ETV6: variants seen among roughly 807,000 people sequenced by gnomAD.
ETV6 encodes transcription factor ETV6.
In ETV6, 16 loss-of-function variants were observed where a neutral mutation model predicts 51.1. The observed-to-expected ratio is 0.31, with a 90% CI of 0.21 to 0.48. The LOEUF (loss-of-function observed/expected upper bound fraction) is 0.48. Among genes scored for constraint, ETV6 ranks in the 20% least tolerant of loss-of-function variants. The probability of loss-of-function intolerance (pLI) is 0.99; values close to 1 mark genes in which losing one functional copy is unlikely to be tolerated. For synonymous variants in ETV6, 240 were observed against 224.1 expected, an observed-to-expected ratio of 1.07 and a Z score of -0.64; for missense variants, 458 against 594.8, an observed-to-expected ratio of 0.77 and a Z score of 2.39.
intron 2 of ETV6, among the ~76,000 whole-genome samples, chr12:11,783,013 G>C (rs991209947): frequency 6.6e-6 from 1 of 152,116 alleles, no homozygotes; most frequent in African/African-American, 2.4e-5. Flanking sequence ...AGCAGCTGTA[G>C]CAATGATCTA....
intron 2 of ETV6, among the ~76,000 whole-genome samples, chr12:11,788,489 G>A (rs922231250): frequency 6.6e-6 from 1 of 152,188 alleles, no homozygotes; most frequent in Non-Finnish European, 1.5e-5. Flanking sequence ...GGCGCACTCA[G>A]TTCTTAGTCC....
At chr12:11,669,560 CTCTA>C in intron 1 of ETV6, among the ~76,000 whole-genome samples, 1 of 152,126 alleles carries the variant, frequency 6.6e-6, no homozygotes, top group Non-Finnish European at 1.5e-5. Context: ...GCCTTTACAT[CTCTA>C]TCTCCTGTGG....
At chr12:11,789,222 C>T (rs753244757) in intron 2 of ETV6, among the ~76,000 whole-genome samples, 23 of 151,928 alleles carry the variant, frequency 1.5e-4, no homozygotes, top group Non-Finnish European at 2.9e-4. Context: ...TTAGTAGAGA[C>T]GGGTTTTCAC....
chr12:11,889,313 A>G (rs1317165255), intron 7 of ETV6, among the ~76,000 whole-genome samples: 1 of 152,222 alleles, frequency 6.6e-6, no homozygotes, highest in Non-Finnish European at 1.5e-5. Flanking sequence ...GGCTTCCAAT[A>G]AAAGATTTTC....
At chr12:11,708,554 A>C (rs1565493964) in intron 1 of ETV6, among the ~76,000 whole-genome samples, 1 of 152,166 alleles carries the variant, frequency 6.6e-6, no homozygotes, top group African/African-American at 2.4e-5. Flanking sequence ...TCTTGTGTAC[A>C]TTCCCTTCTA....
At chr12:11,708,534 C>A (rs1040731561) in intron 1 of ETV6, among the ~76,000 whole-genome samples, 2 of 152,200 alleles carry the variant, frequency 1.3e-5, no homozygotes, top group African/African-American at 2.4e-5. Context: ...ACGGCCCAGA[C>A]TCCCCCCTGT....
intron 1 of ETV6, among the ~76,000 whole-genome samples, chr12:11,714,088 G>A (rs1865225517): frequency 1.3e-5 from 2 of 152,182 alleles, no homozygotes; most frequent in African/African-American, 2.4e-5. Context: ...GAATGCAGGG[G>A]CGTCATTTTG....
At chr12:11,832,859 G>A (rs769317104) in intron 2 of ETV6, among the ~76,000 whole-genome samples, 33 of 152,172 alleles carry the variant, frequency 2.2e-4, no homozygotes, top group Non-Finnish European at 4.1e-4. Flanking sequence ...ATCAGTATCC[G>A]TCCAAAAGGA....
chr12:11,652,479 A>G (rs137968715), intron 1 of ETV6, among the ~76,000 whole-genome samples: 1 of 152,330 alleles, frequency 6.6e-6, no homozygotes, highest in Non-Finnish European at 1.5e-5. Context: ...CCAGTAAACA[A>G]TATGCTTTTC....
chr12:11,673,009 G>A (rs1273447817), intron 1 of ETV6, among the ~76,000 whole-genome samples: 2 of 152,184 alleles, frequency 1.3e-5, no homozygotes, highest in African/African-American at 2.4e-5. Flanking sequence ...ACTGACTGGA[G>A]GACTTTCCAG....
chr12:11,703,139 G>T (rs1253505794), intron 1 of ETV6, among the ~76,000 whole-genome samples: 1 of 152,024 alleles, frequency 6.6e-6, no homozygotes, highest in Non-Finnish European at 1.5e-5. Flanking sequence ...TTATAGGAGG[G>T]TCCCAAACAT....
intron 1 of ETV6, among the ~76,000 whole-genome samples, chr12:11,713,405 G>T (rs974273027): frequency 6.6e-6 from 1 of 152,152 alleles, no homozygotes; most frequent in Non-Finnish European, 1.5e-5. Flanking sequence ...GTTTTACTAT[G>T]ATTGTAAACC....
intron 7 of ETV6, among the ~76,000 whole-genome samples, chr12:11,887,880 C>G (rs537496955): frequency 1.2e-4 from 18 of 152,178 alleles, no homozygotes; most frequent in African/African-American, 4.3e-4. Context: ...GTATCCCAGT[C>G]ATTGTGCTAG....
At chr12:11,858,550 T>G (rs1327475866) in intron 4 of ETV6, among the ~76,000 whole-genome samples, 1 of 152,194 alleles carries the variant, frequency 6.6e-6, no homozygotes, top group East Asian at 1.9e-4. Context: ...CCCATGGGAC[T>G]GGATATGCAG....
intron 2 of ETV6, among the ~76,000 whole-genome samples, chr12:11,758,432 A>G (rs1945036730): frequency 6.6e-6 from 1 of 152,184 alleles, no homozygotes; most frequent in Admixed American, 6.5e-5. Flanking sequence ...TGTGTGTTTC[A>G]TTAAAGAAAG....
rs1212319349 is a variant in ETV6 at position 11,892,245 on chromosome 12, C to CTTTTTTTT, written c.*1205_*1206insTTTTTTTT. On this transcript the variant is annotated 3_prime_UTR_variant, in exon 8 of 8. Transcript: ENST00000396373. ...TTTTTTTTTTTTTTCAATTCCTAAC[C>CTTTTTTTT]TTTTTTAAAGTTTCCTGGTCTCCAC... 5.1e-6 allele frequency: 1 copy of CTTTTTTTT among 195,450 alleles called. No individual in the cohort carries two copies. Among genetic ancestry groups the CTTTTTTTT allele is most frequent in the African/African-American group, 3.2e-5 (1 of 31,086 alleles). The allele number at this position is 195,450 out of a possible 1,614,324, so 12.1% of individuals were successfully genotyped here.
chr12:11,886,345 A>T (rs970692169), intron 7 of ETV6, among the ~76,000 whole-genome samples: 7 of 152,334 alleles, frequency 4.6e-5, no homozygotes, highest in African/African-American at 1.4e-4. Context: ...CAAAACAAGG[A>T]ATTAAACCTA....
chr12:11,814,914 G>A (rs571542252), intron 2 of ETV6, among the ~76,000 whole-genome samples: 4 of 152,284 alleles, frequency 2.6e-5, no homozygotes, highest in African/African-American at 9.6e-5. Context: ...ATCCAAGGTG[G>A]CTGTGGTACA....
At chr12:11,715,064 A>AT (rs778364951) in intron 1 of ETV6, among the ~76,000 whole-genome samples, 2 of 152,050 alleles carry the variant, frequency 1.3e-5, no homozygotes, top group Admixed American at 1.3e-4. Flanking sequence ...TCGTTTTGAG[A>AT]TTTTTCAAAT....
Sources: gnomAD v4.1 joint callset for allele counts (sites outside exome capture counted in the v4.1 genomes callset) on GRCh38, gnomAD v4.1.1 for gene constraint, MANE v1.5 for transcripts, NCBI Gene and HGNC (gene_info 2026-07-23, HGNC 2026-07-21) for gene names.